The following PTPRZ1 variants were observed in gnomAD, a reference collection of about 807,000 sequenced individuals.
PTPRZ1 encodes protein tyrosine phosphatase receptor type Z1, also known as receptor-type tyrosine-protein phosphatase zeta.
A neutral mutation model predicts 214.1 loss-of-function variants in PTPRZ1; 82 were observed. The ratio of observed to expected loss-of-function variants is 0.38; its 90% CI spans 0.32 to 0.46. The LOEUF (loss-of-function observed/expected upper bound fraction) is 0.46. Ranked by LOEUF, PTPRZ1 falls within the 20% of genes least tolerant of loss-of-function variation. The pLI is 1.00. For missense variants in PTPRZ1, 2,603 were observed against 2,748.7 expected (o/e 0.95, Z 1.19); for synonymous variants, 945 against 987.9 (o/e 0.96, Z 0.81).
intron 1 of PTPRZ1, among the ~76,000 whole-genome samples, chr7:121,917,333 G>A (rs1412849133): frequency 6.6e-6 from 1 of 152,108 alleles, no homozygotes; most frequent in Admixed American, 6.6e-5. Flanking sequence ...TGCTAGTGGG[G>A]AAATGGTTCA....
Position 121,947,499 on chromosome 7 carries a change from A to G in PTPRZ1, c.124+19278A>G, listed in dbSNP as rs574476617. On this transcript the variant is annotated intron_variant, in intron 2 of 29. Coordinates refer to ENST00000393386, the MANE Select transcript of PTPRZ1 (RefSeq NM_002851.3). ...CAGAAATTAGATTATACTAGTTTCAACTATTGAATTACCCTGTAGTTTAAA... is the reference window on the plus strand; with the variant it reads ...CAGAAATTAGATTATACTAGTTTCAGCTATTGAATTACCCTGTAGTTTAAA... 1.4e-4 allele frequency among the ~76,000 whole-genome samples: 22 copies of G among 152,342 alleles called. No individual in the cohort carries two copies. In the South Asian group the frequency reaches 4.6e-3, roughly 32 times the overall value.
chr7:121,977,799 TAA>T (rs375515376), intron 6 of PTPRZ1, among the ~76,000 whole-genome samples: 43 of 152,156 alleles, frequency 2.8e-4, no homozygotes, highest in Non-Finnish European at 5.6e-4. Context: ...TTGAATGCGA[TAA>T]GTCACATTTA....
intron 1 of PTPRZ1, among the ~76,000 whole-genome samples, chr7:121,889,228 TA>T (rs1366037246): frequency 6.6e-6 from 1 of 152,180 alleles, no homozygotes; most frequent in Non-Finnish European, 1.5e-5. Context: ...GTATTAGTCA[TA>T]AAACTATGTA....
intron 13 of PTPRZ1, among the ~76,000 whole-genome samples, chr7:122,020,454 A>G (rs1467727017): frequency 6.6e-6 from 1 of 152,210 alleles, no homozygotes; most frequent in Non-Finnish European, 1.5e-5. Flanking sequence ...GTAGGACTCA[A>G]GCTCTGTGGG....
intron 1 of PTPRZ1, among the ~76,000 whole-genome samples, chr7:121,921,452 C>A (rs1204407042): frequency 6.6e-6 from 1 of 152,062 alleles, no homozygotes; most frequent in Non-Finnish European, 1.5e-5. Context: ...TCCCTTTGTT[C>A]TTTTCCATTA....
chr7:122,035,439 A>C (rs1024905552), intron 17 of PTPRZ1, among the ~76,000 whole-genome samples: 1 of 152,232 alleles, frequency 6.6e-6, no homozygotes, highest in African/African-American at 2.4e-5. Context: ...GAACATACGC[A>C]TCAGGTAATT....
chr7:121,892,138 T>C (rs1794648662), intron 1 of PTPRZ1, among the ~76,000 whole-genome samples: 1 of 152,232 alleles, frequency 6.6e-6, no homozygotes, highest in African/African-American at 2.4e-5. Flanking sequence ...CATTTGGGGT[T>C]GGGCTGTTCC....
At chr7:122,024,713 C>G (rs946509622) in intron 13 of PTPRZ1, among the ~76,000 whole-genome samples, 1 of 151,974 alleles carries the variant, frequency 6.6e-6, no homozygotes, top group African/African-American at 2.4e-5. Context: ...GATTTGATTA[C>G]AGATTTGTTT....
In PTPRZ1 at chr7:122,012,341, T is replaced by A. The variant is rs866150583; in HGVS notation, c.3295T>A (p.Phe1099Ile). The change falls in exon 12 of 30, where the codon TTT (phenylalanine) becomes ATT (isoleucine). Residue 1099 changes from phenylalanine (F) to isoleucine (I), a missense_variant. This residue lies in a region of PTPRZ1 where 1,913 missense variants were observed against 1,914.3 expected (regional missense o/e 1.00). Coordinates refer to ENST00000393386, the MANE Select transcript of PTPRZ1 (RefSeq NM_002851.3). Reference sequence around the variant, plus strand: ...TTCCATTTCTAGCACCAAGGGCATGTTTCCAGGGTCCCTTGCTCATACCAC... The same window carrying A: ...TTCCATTTCTAGCACCAAGGGCATGATTCCAGGGTCCCTTGCTCATACCAC... Reference protein sequence around the residue: ...SVSISSTKGMFPGSLAHTTTK... With the variant: ...SVSISSTKGMIPGSLAHTTTK... The A allele has an allele frequency of 6.2e-7, 1 of 1,613,870 alleles. No homozygotes were observed. The highest frequency in any genetic ancestry group is 1.3e-5 in the African/African-American group (1 of 74,928).
In PTPRZ1 at chr7:121,902,406, A is replaced by C. The variant is rs534176842; in HGVS notation, c.59-25750A>C. ...CAGTGCAATGGTTGACACATGTGGT[A>C]GTTCTAATTTTAATTTTTTGAGGAA... On this transcript the variant is annotated intron_variant, in intron 1 of 29. Coordinates refer to ENST00000393386, the MANE Select transcript of PTPRZ1 (RefSeq NM_002851.3). 6.6e-5 allele frequency among the ~76,000 whole-genome samples: 10 copies of C among 152,302 alleles called. No individual in the cohort carries two copies. The South Asian group carries it at 2.1e-3, about 32-fold the overall frequency.
chr7:122,020,204 T>C (rs1365331904), intron 13 of PTPRZ1, among the ~76,000 whole-genome samples: 1 of 152,192 alleles, frequency 6.6e-6, no homozygotes, highest in Non-Finnish European at 1.5e-5. Context: ...TTATTGATTG[T>C]TTCCCACATA....
rs79853955 is a variant in PTPRZ1 at position 121,961,286 on chromosome 7, T to C, written c.125-6665T>C. Among the ~76,000 whole-genome samples, 174 of 152,290 alleles carry C rather than the reference T, an allele frequency of 1.1e-3. 7 individuals are homozygous for C. The East Asian group carries it at 0.028, about 24-fold the overall frequency. On this transcript the variant is annotated intron_variant, in intron 2 of 29. Transcript: ENST00000393386. ...TAATCTGCCTTTCTGTCTCCCTCTG[T>C]AGAATACCCCTGCATTCACTCTGCT...
intron 20 of PTPRZ1, 36 bp from the exon 21 acceptor site, chr7:122,040,780 G>GTGTGTT (rs1799704284): frequency 8.9e-7 from 1 of 1,120,834 alleles, no homozygotes; most frequent in Non-Finnish European, 1.2e-6. Context: ...GTGTGTGTGT[G>GTGTGTT]TGTTTGACTG....
chr7:122,011,386 C>G lies in PTPRZ1; in HGVS notation c.2340C>G (p.Ile780Met), dbSNP rs375140226. Residue 780 changes from isoleucine (I) to methionine (M), a missense_variant, in exon 12 of 30, where the codon ATC (isoleucine) becomes ATG (methionine). By Grantham distance (10) the Ile-to-Met change is conservative. Around this residue, in one of 6 missense-constraint regions of PTPRZ1, gnomAD observed 1,913 missense variants for 1,914.3 expected, o/e 1.00. Transcript: ENST00000393386. ...LVTPLLLDNQILNTTPAASSS... is the reference protein window; with the variant it reads ...LVTPLLLDNQMLNTTPAASSS... The stretch of plus-strand genomic sequence containing the variant: ...CCCCTTTGTTGCTTGACAATCAGAT[C>G]CTCAACACTACCCCTGCTGCTTCAA... 2 of 1,614,002 alleles carry G rather than the reference C, an allele frequency of 1.2e-6. No homozygotes were observed. Among genetic ancestry groups the G allele is most frequent in the East Asian group, 2.2e-5 (1 of 44,864 alleles).
intron 2 of PTPRZ1, among the ~76,000 whole-genome samples, chr7:121,958,080 C>T (rs1381611067): frequency 1.3e-5 from 2 of 152,276 alleles, no homozygotes; most frequent in South Asian, 2.1e-4. Context: ...CATTTCTCAT[C>T]CTTGCGTCTG....
intron 2 of PTPRZ1, among the ~76,000 whole-genome samples, chr7:121,940,326 C>T (rs917729886): frequency 2.0e-5 from 3 of 152,152 alleles, no homozygotes; most frequent in African/African-American, 4.8e-5. Context: ...GCTTTACCTA[C>T]TCCAAGAGGG....
chr7:121,941,394 T>G (rs1796237046), intron 2 of PTPRZ1, among the ~76,000 whole-genome samples: 1 of 152,330 alleles, frequency 6.6e-6, no homozygotes, highest in Non-Finnish European at 1.5e-5. Flanking sequence ...GATATAAAGC[T>G]GTTAGGCTTT....
chr7:122,012,448 A>C lies in PTPRZ1; in HGVS notation c.3402A>C (p.Ala1134=), dbSNP rs1385291667. The change falls in exon 12 of 30, where the codon GCA becomes GCC. Residue 1134 remains alanine (A), a synonymous_variant. Coordinates refer to ENST00000393386, the MANE Select transcript of PTPRZ1 (RefSeq NM_002851.3). ...SVQPTHTVSQ[A]SGDTSLKPVL... ...AACCTACACATACTGTCTCTCAAGC[A>C]TCTGGTGACACTTCGCTTAAACCTG... is the stretch of plus-strand genomic sequence containing the variant. 6.2e-7 allele frequency: 1 copy of C among 1,613,588 alleles called. No individual in the cohort carries two copies. Among genetic ancestry groups the C allele is most frequent in the East Asian group, 2.2e-5 (1 of 44,874 alleles).
intron 20 of PTPRZ1, 61 bp from the exon 21 acceptor site, chr7:122,040,729 CGTGTGTGTGTGTGTGTGTGTGTGTGT>C (rs3993671): frequency 4.1e-5 from 20 of 489,526 alleles, no homozygotes; most frequent in Admixed American, 2.2e-4. Flanking sequence ...GTTGAAGAAC[CGTGTGTGTGTGTGTGTGTGTGTGTGT>C]GTGTGTGTGT....
Sources: gnomAD v4.1 joint callset for allele counts (sites outside exome capture counted in the v4.1 genomes callset) on GRCh38, gnomAD v4.1.1 for gene constraint, gnomAD v4.1.1 regional missense constraint, MANE v1.5 for transcripts, NCBI Gene and HGNC (gene_info 2026-07-23, HGNC 2026-07-21) for gene names.